The following MTHFD2L variants were observed in gnomAD, a reference collection of about 807,000 sequenced individuals.
MTHFD2L encodes bifunctional methylenetetrahydrofolate dehydrogenase/cyclohydrolase 2, mitochondrial.
MTHFD2L carries 29 observed loss-of-function variants against 34.9 expected under a neutral mutation model. The observed-to-expected ratio is 0.83, with a 90% CI of 0.62 to 1.13. The LOEUF (loss-of-function observed/expected upper bound fraction) is 1.13, where lower values mean the gene tolerates loss of function less well. Ranked by LOEUF, MTHFD2L falls within the 50% of genes most tolerant of loss-of-function variation. The probability of loss-of-function intolerance (pLI) is 0.00; values close to 1 mark genes in which losing one functional copy is unlikely to be tolerated. For synonymous variants in MTHFD2L, 167 were observed against 155.7 expected (o/e 1.07, Z -0.54); for missense variants, 481 against 446.5 (o/e 1.08, Z -0.70).
At chr4:74,211,632 G>A (rs1419245870) in intron 5 of MTHFD2L, among the ~76,000 whole-genome samples, 1 of 152,122 alleles carries the variant, frequency 6.6e-6, no homozygotes, top group Admixed American at 6.5e-5. Context: ...CAGGGATGTT[G>A]GCCTGAAATT....
intron 6 of MTHFD2L, among the ~76,000 whole-genome samples, chr4:74,246,940 T>A: frequency 6.6e-6 from 1 of 152,170 alleles, no homozygotes. Context: ...TCCTTTGGCT[T>A]AGGATTGACT....
At chr4:74,162,062 G>T (rs1725575375) in intron 1 of MTHFD2L, 1 of 152,114 alleles carries the variant, frequency 6.6e-6, no homozygotes, top group Non-Finnish European at 1.5e-5. Context: ...AAAACTTTAT[G>T]GTCAGAACAG....
chr4:74,286,194 TCCTC>T (rs1748145645), intron 7 of MTHFD2L, among the ~76,000 whole-genome samples: 1 of 152,162 alleles, frequency 6.6e-6, no homozygotes, highest in South Asian at 2.1e-4. Flanking sequence ...TGAACATACT[TCCTC>T]CCTCCTAACT....
intron 1 of MTHFD2L, chr4:74,165,036 C>G: frequency 2.0e-6 from 2 of 982,862 alleles, no homozygotes; most frequent in Non-Finnish European, 2.4e-6. Flanking sequence ...ATGGCAAGGT[C>G]ACTATGTAAT....
At chr4:74,295,364 A>T (rs1242049308) in intron 7 of MTHFD2L, among the ~76,000 whole-genome samples, 1 of 152,078 alleles carries the variant, frequency 6.6e-6, no homozygotes, top group Admixed American at 6.6e-5. Flanking sequence ...GGTGTCCATC[A>T]ATCTTGCAGC....
chr4:74,223,228 A>G lies in MTHFD2L; in HGVS notation c.713-2074A>G, dbSNP rs374620601. ...TAAAGAAAATGTGGTGTGTGTGTGT[A>G]TATATACACACACACTACATACACA... On this transcript the variant is annotated intron_variant, in intron 5 of 7. Transcript: ENST00000325278. Among the ~76,000 whole-genome samples, 13 of 151,996 alleles carry G rather than the reference A, an allele frequency of 8.6e-5. No homozygotes were observed. In the East Asian group the frequency reaches 1.4e-3, roughly 16 times the overall value.
chr4:74,285,649 G>A (rs1280732994), intron 7 of MTHFD2L, among the ~76,000 whole-genome samples: 1 of 151,934 alleles, frequency 6.6e-6, no homozygotes, highest in Non-Finnish European at 1.5e-5. Flanking sequence ...CACAGTAAGA[G>A]AACTTTTAAT....
At chr4:74,156,213 C>T (rs1724241922), upstream of MTHFD2L, among the ~76,000 whole-genome samples, 1 of 152,122 alleles carries the variant, frequency 6.6e-6, no homozygotes, top group Non-Finnish European at 1.5e-5. Flanking sequence ...CCTAAAAACC[C>T]TCTGTGCTAC....
chr4:74,255,464 TA>T (rs1376147529), intron 6 of MTHFD2L, among the ~76,000 whole-genome samples: 2 of 152,090 alleles, frequency 1.3e-5, no homozygotes, highest in South Asian at 2.1e-4. Context: ...AGTAAGAAAA[TA>T]TTTTTTTAAA....
intron 5 of MTHFD2L, among the ~76,000 whole-genome samples, chr4:74,206,933 C>T (rs1011760677): frequency 2.0e-5 from 3 of 152,102 alleles, no homozygotes; most frequent in African/African-American, 7.2e-5. Context: ...CAGGGCCTCA[C>T]GCTGTCACCC....
At chr4:74,148,176 T>A (rs2109850463) in intron 1 of MTHFD2L, among the ~76,000 whole-genome samples, 1 of 152,184 alleles carries the variant, frequency 6.6e-6, no homozygotes, top group Non-Finnish European at 1.5e-5. Flanking sequence ...TAATCATATA[T>A]GCAAAGCTTT....
chr4:74,280,133 T>C (rs1430471310), intron 6 of MTHFD2L: 2 of 152,126 alleles, frequency 1.3e-5, no homozygotes, highest in Non-Finnish European at 2.9e-5. Flanking sequence ...TGTGATAGAA[T>C]AATAAAGATG....
At chr4:74,256,478 G>A (rs1744043785) in intron 6 of MTHFD2L, among the ~76,000 whole-genome samples, 1 of 152,064 alleles carries the variant, frequency 6.6e-6, no homozygotes, top group East Asian at 1.9e-4. Flanking sequence ...CAAGGCTGAT[G>A]TTCAGAATGG....
At chr4:74,217,254 G>A (rs1050734060) in intron 5 of MTHFD2L, among the ~76,000 whole-genome samples, 1 of 151,712 alleles carries the variant, frequency 6.6e-6, no homozygotes, top group Admixed American at 6.6e-5. Flanking sequence ...ATGTTACCTA[G>A]GGTTGCCCCT....
At chr4:74,297,851 T>G (rs961150280) in intron 7 of MTHFD2L, among the ~76,000 whole-genome samples, 1 of 152,114 alleles carries the variant, frequency 6.6e-6, no homozygotes, top group African/African-American at 2.4e-5. Context: ...CCTGAAATAG[T>G]TATGCAAAAT....
chr4:74,230,630 G>A (rs547466191), intron 6 of MTHFD2L, among the ~76,000 whole-genome samples: 3 of 151,912 alleles, frequency 2.0e-5, no homozygotes, highest in Admixed American at 2.0e-4. Context: ...AGAAATTATG[G>A]GAAAGGTGAA....
chr4:74,223,570 A>T (rs1212921295), intron 5 of MTHFD2L, among the ~76,000 whole-genome samples: 1 of 152,056 alleles, frequency 6.6e-6, no homozygotes, highest in East Asian at 1.9e-4. Flanking sequence ...CCCTCGTGAC[A>T]TGAGCTTACC....
intron 6 of MTHFD2L, among the ~76,000 whole-genome samples, chr4:74,278,128 G>A (rs973417519): frequency 1.3e-5 from 2 of 152,046 alleles, no homozygotes; most frequent in African/African-American, 4.8e-5. Flanking sequence ...CACTAATAAG[G>A]AATTGAACCA....
intron 7 of MTHFD2L, among the ~76,000 whole-genome samples, chr4:74,294,160 T>C (rs947828841): frequency 2.6e-5 from 4 of 152,146 alleles, no homozygotes; most frequent in Non-Finnish European, 5.9e-5. Context: ...TTCTTCTTTC[T>C]CCACTCCAAA....
Sources: allele counts gnomAD v4.1 joint callset (sites outside exome capture counted in the v4.1 genomes callset), GRCh38; gene constraint gnomAD v4.1.1; transcripts MANE v1.5; gene names NCBI Gene and HGNC (gene_info 2026-07-23, HGNC 2026-07-21).